The following WWOX variants were observed in gnomAD, a reference collection of about 807,000 sequenced individuals.
The protein encoded by WWOX is WW domain-containing oxidoreductase.
A neutral mutation model predicts 46.2 loss-of-function variants in WWOX; 69 were observed. The observed-to-expected ratio is 1.49, with a 90% CI of 1.23 to 1.82. The LOEUF (loss-of-function observed/expected upper bound fraction) is 1.82. Ranked by LOEUF, WWOX falls within the 40% of genes most tolerant of loss-of-function variation. WWOX has a pLI of 0.00. For missense variants in WWOX, 919 were observed against 542.6 expected (o/e 1.69, Z -6.89); for synonymous variants, 359 against 202.6 (o/e 1.77, Z -6.56).
intron 8 of WWOX, among the ~76,000 whole-genome samples, chr16:78,639,537 G>T (rs1306241493): frequency 1.3e-5 from 2 of 151,656 alleles, no homozygotes; most frequent in East Asian, 3.9e-4. Flanking sequence ...GGAGAGAGAG[G>T]CCTCCCCTCA....
At chr16:78,701,953 G>C (rs1296913081) in intron 8 of WWOX, among the ~76,000 whole-genome samples, 2 of 145,852 alleles carry the variant, frequency 1.4e-5, no homozygotes, top group Non-Finnish European at 3.0e-5. Context: ...GGGAGGCCGA[G>C]ATGGGAGGAT....
chr16:78,952,900 A>C (rs1016214844), intron 8 of WWOX, among the ~76,000 whole-genome samples: 2 of 152,192 alleles, frequency 1.3e-5, no homozygotes, highest in Non-Finnish European at 2.9e-5. Context: ...ACAGAGAGAA[A>C]CAGGAATCAA....
intron 8 of WWOX, among the ~76,000 whole-genome samples, chr16:78,967,321 A>C (rs1597216441): frequency 5.1e-5 from 5 of 98,624 alleles, no homozygotes; most frequent in African/African-American, 1.2e-4. Context: ...TTTGAGACTC[A>C]CTCTGTCACC....
intron 8 of WWOX, among the ~76,000 whole-genome samples, chr16:78,703,074 A>G (rs755376065): frequency 3.9e-5 from 6 of 152,148 alleles, no homozygotes; most frequent in Admixed American, 1.3e-4. Flanking sequence ...GGCTCCTCCG[A>G]TGATGGGATG....
chr16:78,654,196 G>C (rs1056078663), intron 8 of WWOX, among the ~76,000 whole-genome samples: 2 of 151,814 alleles, frequency 1.3e-5, no homozygotes, highest in African/African-American at 4.8e-5. Flanking sequence ...CTCTTCACCT[G>C]GGTGGGCGAT....
chr16:78,693,001 G>C (rs540276978), intron 8 of WWOX, among the ~76,000 whole-genome samples: 1 of 152,132 alleles, frequency 6.6e-6, no homozygotes, highest in East Asian at 1.9e-4. Context: ...TTGCATCCAC[G>C]GAAGAGTTTG....
At chr16:78,586,799 C>A (rs2045219112) in intron 8 of WWOX, among the ~76,000 whole-genome samples, 2 of 152,042 alleles carry the variant, frequency 1.3e-5, no homozygotes, top group African/African-American at 4.8e-5. Context: ...TGCCCAGTAT[C>A]ATCTATGTAT....
At chr16:78,359,561 A>T (rs185338985) in intron 5 of WWOX, among the ~76,000 whole-genome samples, 2 of 152,332 alleles carry the variant, frequency 1.3e-5, no homozygotes, top group African/African-American at 4.8e-5. Context: ...ATGAGTTAGA[A>T]TATGAGTTTT....
intron 8 of WWOX, among the ~76,000 whole-genome samples, chr16:78,771,926 AT>A (rs955965947): frequency 1.3e-5 from 2 of 152,150 alleles, no homozygotes; most frequent in Non-Finnish European, 2.9e-5. Context: ...AATAAAAACC[AT>A]TTTTTTGAAA....
intron 8 of WWOX, among the ~76,000 whole-genome samples, chr16:78,475,070 G>T (rs2084322154): frequency 6.6e-6 from 1 of 152,106 alleles, no homozygotes; most frequent in Non-Finnish European, 1.5e-5. Flanking sequence ...TTTGTCAGGT[G>T]CATAAATCTG....
intron 8 of WWOX, among the ~76,000 whole-genome samples, chr16:78,951,833 G>A (rs748434489): frequency 1.3e-5 from 2 of 152,162 alleles, no homozygotes; most frequent in South Asian, 2.1e-4. Context: ...GTAAGAGGCA[G>A]TTCCTGGCAC....
intron 5 of WWOX, chr16:78,168,024 T>A (rs1567609314): frequency 6.6e-6 from 1 of 152,180 alleles, no homozygotes. Context: ...CACATCAGTG[T>A]CGGGGCCGGG....
intron 8 of WWOX, among the ~76,000 whole-genome samples, chr16:78,852,303 A>C (rs1018185183): frequency 2.6e-5 from 4 of 152,176 alleles, no homozygotes; most frequent in Non-Finnish European, 5.9e-5. Context: ...TACAGGGGGA[A>C]GTGATAGCGC....
At chr16:78,634,835 A>AGTGT (rs1555507717) in intron 8 of WWOX, among the ~76,000 whole-genome samples, 10 of 127,466 alleles carry the variant, frequency 7.8e-5, no homozygotes, top group African/African-American at 2.6e-4. Flanking sequence ...AGAGAGAGAG[A>AGTGT]GAGTGTGTGT....
chr16:79,050,076 G>A (rs1048822132), intron 8 of WWOX, among the ~76,000 whole-genome samples: 1 of 152,164 alleles, frequency 6.6e-6, no homozygotes, highest in Non-Finnish European at 1.5e-5. Flanking sequence ...TCAAGATGAA[G>A]CATAGGCCAG....
At chr16:78,742,088 G>C (rs2049242268) in intron 8 of WWOX, among the ~76,000 whole-genome samples, 3 of 152,136 alleles carry the variant, frequency 2.0e-5, no homozygotes, top group Admixed American at 1.3e-4. Context: ...AGAAAACATA[G>C]TAGCCCCTAT....
intron 8 of WWOX, among the ~76,000 whole-genome samples, chr16:78,518,512 C>T (rs374826215): frequency 6.6e-6 from 1 of 152,178 alleles, no homozygotes; most frequent in African/African-American, 2.4e-5. Flanking sequence ...TGAGTGACCA[C>T]GCCTGGCCCA....
At chr16:78,500,316 A>G (rs892751607) in intron 8 of WWOX, among the ~76,000 whole-genome samples, 5 of 152,196 alleles carry the variant, frequency 3.3e-5, no homozygotes, top group Non-Finnish European at 5.9e-5. Flanking sequence ...CCAAGATTAA[A>G]TTGAATTATT....
intron 1 of WWOX, among the ~76,000 whole-genome samples, chr16:78,100,356 A>G (rs1430192506): frequency 1.3e-5 from 2 of 152,038 alleles, no homozygotes; most frequent in Non-Finnish European, 2.9e-5. Context: ...GGGTTCAGAC[A>G]ATCCTCTCAT....
Sources: gnomAD v4.1 joint callset for allele counts (sites outside exome capture counted in the v4.1 genomes callset) on GRCh38, gnomAD v4.1.1 for gene constraint, MANE v1.5 for transcripts, NCBI Gene and HGNC (gene_info 2026-07-23, HGNC 2026-07-21) for gene names.